The following SNTG2 variants were observed in gnomAD, a reference collection of about 807,000 sequenced individuals.
The protein encoded by SNTG2 is syntrophin gamma 2.
SNTG2 carries 74 observed loss-of-function variants against 70.9 expected under a neutral mutation model. The ratio of observed to expected loss-of-function variants is 1.04; its 90% CI spans 0.86 to 1.27. SNTG2 has a LOEUF of 1.27. SNTG2 is among the 50% of genes most tolerant of loss of function. SNTG2 has a pLI of 0.00. For missense variants in SNTG2, 717 were observed against 690.7 expected, an observed-to-expected ratio of 1.04 and a Z score of -0.43; for synonymous variants, 278 against 273.8, an observed-to-expected ratio of 1.02 and a Z score of -0.15.
intron 1 of SNTG2, among the ~76,000 whole-genome samples, chr2:969,101 G>A (rs1298791993): frequency 6.6e-6 from 1 of 152,148 alleles, no homozygotes; most frequent in Non-Finnish European, 1.5e-5. Flanking sequence ...GTTATCACCA[G>A]CTCCATTTAT....
At chr2:1,217,596 A>G (rs536777146) in intron 9 of SNTG2, among the ~76,000 whole-genome samples, 3 of 152,312 alleles carry the variant, frequency 2.0e-5, no homozygotes, top group South Asian at 2.1e-4. Flanking sequence ...CATCACAGGT[A>G]ACTTAGCATA....
At chr2:1,342,133 A>T (rs1660135063) in intron 16 of SNTG2, among the ~76,000 whole-genome samples, 1 of 152,192 alleles carries the variant, frequency 6.6e-6, no homozygotes, top group Non-Finnish European at 1.5e-5. Flanking sequence ...TGCAAATCAG[A>T]GCCTTCGTAG....
At chr2:1,213,461 T>C (rs1674176736) in intron 9 of SNTG2, among the ~76,000 whole-genome samples, 2 of 152,200 alleles carry the variant, frequency 1.3e-5, no homozygotes, top group Admixed American at 6.5e-5. Flanking sequence ...ATATTAAACA[T>C]TGAAATAAAT....
intron 1 of SNTG2, among the ~76,000 whole-genome samples, chr2:1,002,058 A>G (rs752592495): frequency 2.6e-4 from 40 of 152,290 alleles, no homozygotes; most frequent in South Asian, 4.1e-4. Flanking sequence ...TTGGATAGCC[A>G]TATGCAGAAG....
chr2:1,285,615 A>G (rs866804094), intron 14 of SNTG2, among the ~76,000 whole-genome samples: 53 of 152,258 alleles, frequency 3.5e-4, no homozygotes, highest in African/African-American at 1.3e-3. Flanking sequence ...TCTTAGTACA[A>G]GTGTATACAT....
At chr2:1,131,571 C>T (rs1471832789) in intron 4 of SNTG2, among the ~76,000 whole-genome samples, 1 of 152,176 alleles carries the variant, frequency 6.6e-6, no homozygotes, top group Non-Finnish European at 1.5e-5. Context: ...AGAGAAAATG[C>T]AGAAACTCTC....
At chr2:994,116 A>G (rs1340646324) in intron 1 of SNTG2, among the ~76,000 whole-genome samples, 1 of 151,962 alleles carries the variant, frequency 6.6e-6, no homozygotes, top group Non-Finnish European at 1.5e-5. Context: ...GGACTTTTAT[A>G]ATTTTCTTTC....
intron 8 of SNTG2, among the ~76,000 whole-genome samples, chr2:1,191,780 C>T (rs1419621752): frequency 1.3e-5 from 2 of 152,056 alleles, no homozygotes; most frequent in African/African-American, 2.4e-5. Context: ...GGCGACAGAG[C>T]GAGACTCTGT....
chr2:1,263,958 A>G (rs1317956138), intron 13 of SNTG2, among the ~76,000 whole-genome samples: 3 of 151,838 alleles, frequency 2.0e-5, no homozygotes, highest in Admixed American at 6.6e-5. Flanking sequence ...AGCAAGTGAT[A>G]GGAAAGAAAC....
intron 1 of SNTG2, among the ~76,000 whole-genome samples, chr2:977,689 A>C (rs1252798559): frequency 3.9e-5 from 6 of 152,098 alleles, no homozygotes; most frequent in Non-Finnish European, 5.9e-5. Context: ...CATTGCTTCT[A>C]GGATGGGATC....
intron 6 of SNTG2, among the ~76,000 whole-genome samples, chr2:1,163,991 G>A (rs543844949): frequency 2.0e-5 from 3 of 152,352 alleles, no homozygotes; most frequent in Admixed American, 2.0e-4. Context: ...GTCTTAGGGA[G>A]CTGTGCAGAA....
chr2:1,022,830 C>T (rs1396927124), intron 1 of SNTG2, among the ~76,000 whole-genome samples: 1 of 152,158 alleles, frequency 6.6e-6, no homozygotes, highest in African/African-American at 2.4e-5. Flanking sequence ...TGAGAAGCTG[C>T]AGTTAACATT....
At chr2:1,348,669 T>TA (rs1660424971) in intron 16 of SNTG2, among the ~76,000 whole-genome samples, 2 of 152,196 alleles carry the variant, frequency 1.3e-5, no homozygotes, top group South Asian at 2.1e-4. Flanking sequence ...CTAAAGTGTA[T>TA]AAAATCAAGC....
intron 12 of SNTG2, among the ~76,000 whole-genome samples, chr2:1,248,714 C>T (rs527639560): frequency 1.5e-4 from 23 of 152,130 alleles, no homozygotes; most frequent in Admixed American, 1.4e-3. Flanking sequence ...TTGAAAGACT[C>T]GGAGGAGGTG....
chr2:997,213 G>A (rs779988603), intron 1 of SNTG2, among the ~76,000 whole-genome samples: 1 of 152,176 alleles, frequency 6.6e-6, no homozygotes, highest in Non-Finnish European at 1.5e-5. Context: ...ACATGTACTG[G>A]GGGCGTGACA....
At chr2:1,181,798 A>T (rs952842199) in intron 8 of SNTG2, among the ~76,000 whole-genome samples, 3 of 152,190 alleles carry the variant, frequency 2.0e-5, no homozygotes, top group South Asian at 2.1e-4. Flanking sequence ...TCTAGTTGCC[A>T]CATATCCTTT....
intron 1 of SNTG2, among the ~76,000 whole-genome samples, chr2:989,413 C>A (rs773737297): frequency 1.3e-5 from 2 of 150,024 alleles, no homozygotes; most frequent in Non-Finnish European, 3.0e-5. Context: ...GGTTTTTAAT[C>A]CTAAATTGTG....
At chr2:960,794 G>A (rs1184530928) in intron 1 of SNTG2, among the ~76,000 whole-genome samples, 1 of 150,892 alleles carries the variant, frequency 6.6e-6, no homozygotes, top group East Asian at 2.0e-4. Context: ...TCTGAAGGGG[G>A]TGCTCCTAAT....
chr2:1,175,091 G>A (rs1259801260), intron 8 of SNTG2, among the ~76,000 whole-genome samples: 1 of 152,046 alleles, frequency 6.6e-6, no homozygotes, highest in Non-Finnish European at 1.5e-5. Context: ...TCTAAATATT[G>A]TTAACGTTTG....
Sources: allele counts gnomAD v4.1 joint callset (sites outside exome capture counted in the v4.1 genomes callset), GRCh38; gene constraint gnomAD v4.1.1; transcripts MANE v1.5; gene names NCBI Gene and HGNC (gene_info 2026-07-23, HGNC 2026-07-21).